The following TAOK3 variants were observed in gnomAD, a reference collection of about 807,000 sequenced individuals.
TAOK3 encodes the protein serine/threonine-protein kinase TAO3.
A neutral mutation model predicts 120.4 loss-of-function variants in TAOK3; 40 were observed. That is an observed-to-expected ratio of 0.33 (90% CI 0.26 to 0.43). The LOEUF is 0.43. TAOK3 is among the 20% of genes least tolerant of loss of function. The probability of loss-of-function intolerance (pLI) is 1.00; values close to 1 mark genes in which losing one functional copy is unlikely to be tolerated. For missense variants in TAOK3, 821 were observed against 1,112.1 expected, an observed-to-expected ratio of 0.74 and a Z score of 3.72; for synonymous variants, 355 against 387.5, an observed-to-expected ratio of 0.92 and a Z score of 0.99.
At chr12:118,239,204 G>C (rs1338641634) in intron 6 of TAOK3, 23 bp downstream of exon 6, 2 of 1,466,382 alleles carry the variant, frequency 1.4e-6, no homozygotes, top group Non-Finnish European at 1.9e-6. Flanking sequence ...ACAGAAAGGA[G>C]AGTTTAATTC....
chr12:118,235,105 G>A (rs2039967631), intron 8 of TAOK3, among the ~76,000 whole-genome samples: 1 of 152,184 alleles, frequency 6.6e-6, no homozygotes, highest in Non-Finnish European at 1.5e-5. Flanking sequence ...GAAAAACTCT[G>A]AGCCAGACTG....
chr12:118,284,634 A>G (rs900055794), intron 1 of TAOK3, among the ~76,000 whole-genome samples: 1 of 152,170 alleles, frequency 6.6e-6, no homozygotes, highest in African/African-American at 2.4e-5. Context: ...TAAAGAAAAT[A>G]GAAAGAGATG....
chr12:118,272,305 A>AAG (rs2041737593), intron 1 of TAOK3, among the ~76,000 whole-genome samples: 2 of 148,744 alleles, frequency 1.3e-5, no homozygotes, highest in African/African-American at 5.0e-5. Context: ...AAAAAAAAAA[A>AAG]AAAGAAAGAA....
chr12:118,163,811 A>G (rs2035389634), intron 17 of TAOK3, among the ~76,000 whole-genome samples: 2 of 152,064 alleles, frequency 1.3e-5, no homozygotes, highest in South Asian at 2.1e-4. Context: ...TCCCAGGTTC[A>G]AGCAATTCTC....
intron 16 of TAOK3, among the ~76,000 whole-genome samples, chr12:118,176,826 G>A (rs770108791): frequency 2.6e-5 from 4 of 151,962 alleles, no homozygotes; most frequent in Non-Finnish European, 5.9e-5. Context: ...GAGTGCAGTG[G>A]TGCGATCTCA....
chr12:118,315,266 C>G (rs1276603618), intron 1 of TAOK3, among the ~76,000 whole-genome samples: 3 of 152,138 alleles, frequency 2.0e-5, no homozygotes, highest in African/African-American at 7.2e-5. Flanking sequence ...ATGTATTAAA[C>G]ATCCATCGGT....
chr12:118,337,246 A>G (rs536409298), intron 1 of TAOK3, among the ~76,000 whole-genome samples: 1 of 152,354 alleles, frequency 6.6e-6, no homozygotes, highest in South Asian at 2.1e-4. Context: ...AAAATAAAAA[A>G]TAATGACAAC....
rs34592832 is a variant in TAOK3 at position 118,360,567 on chromosome 12, C to CAAAA, written c.-194+12077_-194+12080dup. Among the ~76,000 whole-genome samples the CAAAA allele has an allele frequency of 8.1e-5, 7 of 86,258 alleles. 1 individual carries two copies. The highest frequency in any genetic ancestry group is 1.9e-4 in the African/African-American group (4 of 21,134). 56.6% of individuals were successfully genotyped at this position (86,258 alleles called of 152,430 possible). ...CGGGCGACACAGCGAGACTCCGTCT[C>CAAAA]AAAAAAAAAAAAAAAAAAAAAGTAT... On this transcript the variant is annotated intron_variant, in intron 1 of 20. Transcript: ENST00000392533.
At chr12:118,196,050 A>AAAATAAAT (rs200676149) in intron 13 of TAOK3, among the ~76,000 whole-genome samples, 19,182 of 138,030 alleles carry the variant, frequency 0.14, 1,415 homozygotes, top group East Asian at 0.18. Context: ...ACTCCATCTC[A>AAAATAAAT]AAATAAATAA....
In TAOK3 at chr12:118,224,377, AAG is replaced by A. The variant is rs557559177; in HGVS notation, c.643+9295_643+9296del. Among the ~76,000 whole-genome samples the A allele has an allele frequency of 8.6e-4, 131 of 152,344 alleles. 2 individuals are homozygous for A. The highest frequency in any genetic ancestry group is 3.1e-3 in the African/African-American group (128 of 41,578). Reference sequence around the variant, plus strand: ...ATTCATTTATTAACAGATAAACTATAAGGGGCTAATGTATAAGAAGAAAATTC... The same window carrying A: ...ATTCATTTATTAACAGATAAACTATAGGGCTAATGTATAAGAAGAAAATTC... On this transcript the variant is annotated intron_variant, in intron 9 of 20. Coordinates refer to ENST00000392533, the MANE Select transcript of TAOK3 (RefSeq NM_016281.4).
intron 19 of TAOK3, among the ~76,000 whole-genome samples, chr12:118,154,565 G>T (rs1248666318): frequency 6.6e-6 from 1 of 151,916 alleles, no homozygotes; most frequent in African/African-American, 2.4e-5. Context: ...TCATCCTCCC[G>T]AGTAGCTGAG....
chr12:118,151,624 C>T (rs1370586975), intron 20 of TAOK3, among the ~76,000 whole-genome samples: 5 of 152,072 alleles, frequency 3.3e-5, no homozygotes, highest in South Asian at 2.1e-4. Flanking sequence ...TAGTCTGTTA[C>T]GTTGGTCTCA....
Position 118,172,559 on chromosome 12 carries a change from G to C in TAOK3, c.1797C>G (p.His599Gln), listed in dbSNP as rs538340533. Residue 599 changes from histidine (H) to glutamine (Q), a missense_variant, in exon 17 of 21, where the codon CAC becomes CAG. His to Gln is a conservative substitution (Grantham distance 24). Coordinates refer to ENST00000392533, the MANE Select transcript of TAOK3 (RefSeq NM_016281.4). ...AGTACAGTCTCTGTTGAGTGAGAAG[G>C]TGGGCTTCCTCTTCAGCCTGTGTGT... The part of the protein sequence containing the change: ...LQHTQAEEEA[H>Q]LLTQQRLYYD... 8.1e-6 allele frequency: 13 copies of C among 1,614,172 alleles called. No homozygotes were observed. In the Admixed American group the frequency reaches 2.0e-4, roughly 25 times the overall value.
chr12:118,290,019 A>G (rs2042415098), intron 1 of TAOK3, among the ~76,000 whole-genome samples: 1 of 152,070 alleles, frequency 6.6e-6, no homozygotes, highest in Non-Finnish European at 1.5e-5. Flanking sequence ...AGAAAGAAAT[A>G]GAATGAATCC....
At chr12:118,354,666 CT>C (rs1347828746) in intron 1 of TAOK3, among the ~76,000 whole-genome samples, 1 of 152,084 alleles carries the variant, frequency 6.6e-6, no homozygotes, top group Non-Finnish European at 1.5e-5. Flanking sequence ...TGGGGTGGGT[CT>C]TTCCCGTGCT....
At chr12:118,255,422 T>G in intron 3 of TAOK3, 26 bp downstream of exon 3, 1 of 1,613,160 alleles carries the variant, frequency 6.2e-7, no homozygotes, top group South Asian at 1.1e-5. Flanking sequence ...ATCTGATCTA[T>G]CTAAAAGACT....
chr12:118,297,301 A>G (rs1334842190), intron 1 of TAOK3: 1 of 152,342 alleles, frequency 6.6e-6, no homozygotes, highest in East Asian at 1.9e-4. Context: ...TATGACAACT[A>G]TTAGTCAAAT....
At position 118,243,629 on chromosome 12, in the gene TAOK3, T is replaced by C. The variant is rs1164072524; in HGVS notation, c.193-113A>G. 5.2e-5 allele frequency: 24 copies of C among 463,698 alleles called. No individual in the cohort carries two copies. The East Asian group carries it at 8.2e-4, about 16-fold the overall frequency. The allele number at this position is 463,698 out of a possible 1,614,324, so 28.7% of individuals were successfully genotyped here. ...TTATTGTAAATGGACATAAAGTAAA[T>C]GTTTAATAAATGAAGAAGCTATTTA... On this transcript the variant is annotated intron_variant, in intron 4 of 20. Coordinates refer to ENST00000392533, the MANE Select transcript of TAOK3 (RefSeq NM_016281.4).
At chr12:118,335,778 G>C (rs768147056) in intron 1 of TAOK3, among the ~76,000 whole-genome samples, 3 of 152,160 alleles carry the variant, frequency 2.0e-5, no homozygotes, top group Non-Finnish European at 4.4e-5. Context: ...GCAGTGAGTG[G>C]AGATGGTGCC....
Sources: allele counts gnomAD v4.1 joint callset (sites outside exome capture counted in the v4.1 genomes callset), GRCh38; gene constraint gnomAD v4.1.1; transcripts MANE v1.5; gene names NCBI Gene and HGNC (gene_info 2026-07-23, HGNC 2026-07-21).